The following SLC7A11 variants were observed in gnomAD, a reference collection of about 807,000 sequenced individuals.
SLC7A11 encodes cystine/glutamate transporter.
Under a neutral mutation model 54.5 loss-of-function variants are expected in SLC7A11, and 35 were observed. That is an observed-to-expected ratio of 0.64 (90% CI 0.49 to 0.85). SLC7A11 has a LOEUF of 0.85. Ranked by LOEUF, SLC7A11 falls within the 40% of genes least tolerant of loss-of-function variation. The pLI, the probability that SLC7A11 is intolerant of heterozygous loss-of-function variation, is 0.00. For missense variants in SLC7A11, 583 were observed against 618.1 expected (o/e 0.94, Z 0.60); for synonymous variants, 230 against 225.2 (o/e 1.02, Z -0.19).
chr4:138,174,643 G>C (rs554095041), intron 11 of SLC7A11: 2 of 152,258 alleles, frequency 1.3e-5, no homozygotes, highest in South Asian at 2.1e-4. Flanking sequence ...CTGCTTGCCG[G>C]GGAAAGCTGC....
At chr4:138,187,337 G>A (rs1424312315) in intron 6 of SLC7A11, among the ~76,000 whole-genome samples, 3 of 152,138 alleles carry the variant, frequency 2.0e-5, no homozygotes, top group Non-Finnish European at 4.4e-5. Context: ...GGGCTGCTAT[G>A]TGCCCAACAT....
chr4:138,177,702 G>A (rs2148409516), intron 11 of SLC7A11: 1 of 152,196 alleles, frequency 6.6e-6, no homozygotes. Flanking sequence ...ATCATGTAGG[G>A]GAGAGGACTC....
chr4:138,236,565 G>A (rs41280523), intron 1 of SLC7A11, 114 bp from the exon 2 acceptor site: 18,040 of 979,400 alleles, frequency 0.018, 304 homozygotes, highest in East Asian at 0.051. Context: ...GCCTCCTTTG[G>A]TCTGAATGGC....
chr4:138,200,531 C>T (rs1434034467), intron 6 of SLC7A11, among the ~76,000 whole-genome samples: 1 of 152,054 alleles, frequency 6.6e-6, no homozygotes, highest in Non-Finnish European at 1.5e-5. Flanking sequence ...GATTACATTT[C>T]CCCCAGCTAA....
At chr4:138,192,904 G>A (rs147900762) in intron 6 of SLC7A11, among the ~76,000 whole-genome samples, 33 of 152,184 alleles carry the variant, frequency 2.2e-4, no homozygotes, top group African/African-American at 6.3e-4. Flanking sequence ...TTTGCCCAAG[G>A]ACTCATAATA....
At chr4:138,226,384 T>C (rs1051391523) in intron 3 of SLC7A11, among the ~76,000 whole-genome samples, 3 of 152,172 alleles carry the variant, frequency 2.0e-5, no homozygotes, top group African/African-American at 7.2e-5. Flanking sequence ...TGGTTTATTG[T>C]ATGTCAATTA....
Position 138,201,118 on chromosome 4 carries a change from T to A in SLC7A11, c.791+13467A>T, listed in dbSNP as rs373217358. On this transcript the variant is annotated intron_variant, in intron 6 of 11. Coordinates refer to ENST00000280612, the MANE Select transcript of SLC7A11 (RefSeq NM_014331.4). ...AGAAATGACTTTGCTCATAAAATCATACATTCTATTCTTTAATATCTCATT... is the reference window on the plus strand; with the variant it reads ...AGAAATGACTTTGCTCATAAAATCAAACATTCTATTCTTTAATATCTCATT... Among the ~76,000 whole-genome samples, 10 of 152,248 alleles carry A rather than the reference T, an allele frequency of 6.6e-5. No individual in the cohort carries two copies. In the South Asian group the frequency reaches 1.2e-3, roughly 19 times the overall value.
intron 6 of SLC7A11, among the ~76,000 whole-genome samples, chr4:138,208,954 C>G (rs1357312197): frequency 6.6e-6 from 1 of 152,012 alleles, no homozygotes; most frequent in Non-Finnish European, 1.5e-5. Flanking sequence ...TTTTGCCCAC[C>G]TTTGTCTCTC....
At position 138,170,061 on chromosome 4, in the gene SLC7A11, A is replaced by T. The variant is rs1342784866; in HGVS notation, c.*1895T>A. Reference sequence around the variant, plus strand: ...TGCCTTTAATAATTTTAATTGGTATAATTCTTTCAAAAATCCTTATTTTCA... The same window carrying T: ...TGCCTTTAATAATTTTAATTGGTATTATTCTTTCAAAAATCCTTATTTTCA... On this transcript the variant is annotated 3_prime_UTR_variant, in exon 12 of 12. Coordinates refer to ENST00000280612, the MANE Select transcript of SLC7A11 (RefSeq NM_014331.4). 6.6e-5 allele frequency: 10 copies of T among 151,188 alleles called. No individual in the cohort carries two copies. The allele number at this position is 151,188 out of a possible 1,614,324, so 9.4% of individuals were successfully genotyped here. A position where few individuals can be genotyped will look rare whatever the true frequency, so the allele number is the denominator to read the frequency against.
intron 2 of SLC7A11, among the ~76,000 whole-genome samples, chr4:138,232,703 G>A (rs1175183459): frequency 1.3e-5 from 2 of 152,158 alleles, no homozygotes; most frequent in African/African-American, 4.8e-5. Flanking sequence ...AGGCTTACAG[G>A]AAGCCATCTT....
At chr4:138,228,866 C>G (rs182878125) in intron 3 of SLC7A11, among the ~76,000 whole-genome samples, 1 of 151,806 alleles carries the variant, frequency 6.6e-6, no homozygotes, top group Non-Finnish European at 1.5e-5. Context: ...AACTTCCACG[C>G]ACCTGACATG....
intron 6 of SLC7A11, among the ~76,000 whole-genome samples, chr4:138,209,044 TA>T (rs1331164258): frequency 6.6e-6 from 1 of 152,016 alleles, no homozygotes; most frequent in Non-Finnish European, 1.5e-5. Flanking sequence ...GGAGTAATGG[TA>T]GATAATTTGA....
At position 138,172,028 on chromosome 4, in the gene SLC7A11, A is replaced by G. The variant is rs1177717033; in HGVS notation, c.1445-11T>C. On this transcript the variant is annotated splice_polypyrimidine_tract_variant and intron_variant, in intron 11 of 11. Coordinates refer to ENST00000280612, the MANE Select transcript of SLC7A11 (RefSeq NM_014331.4). ...TTCTGGTTATTTTCTCTACAAAGAA[A>G]TAAAAATGAATTAAAAATGCATGGA... is the stretch of plus-strand genomic sequence containing the variant. 1 of 1,574,982 alleles carries G rather than the reference A, an allele frequency of 6.3e-7. No homozygotes were observed.
intron 6 of SLC7A11, among the ~76,000 whole-genome samples, chr4:138,188,307 C>T (rs1736925147): frequency 6.6e-6 from 1 of 152,194 alleles, no homozygotes; most frequent in Admixed American, 6.5e-5. Context: ...TAGTGATCCT[C>T]CTGCCTCGGC....
chr4:138,185,291 T>C, intron 6 of SLC7A11, 47 bp from the exon 7 acceptor site: 2 of 1,598,920 alleles, frequency 1.3e-6, no homozygotes, highest in South Asian at 2.2e-5. Context: ...TTGTTAGCCA[T>C]TCTCTGATAC....
chr4:138,217,289 A>G (rs1012012457), intron 5 of SLC7A11, among the ~76,000 whole-genome samples: 2 of 152,214 alleles, frequency 1.3e-5, no homozygotes, highest in African/African-American at 2.4e-5. Flanking sequence ...AAAGAAATCA[A>G]TGGTTTTTGG....
At position 138,170,250 on chromosome 4, in the gene SLC7A11, G is replaced by GTGTATA. The variant is rs1443314500; in HGVS notation, c.*1705_*1706insTATACA. The GTGTATA allele has an allele frequency of 4.1e-5, 3 of 74,074 alleles. No individual in the cohort carries two copies. Among genetic ancestry groups the GTGTATA allele is most frequent in the Non-Finnish European group, 7.6e-5 (3 of 39,662 alleles). 4.6% of individuals were successfully genotyped at this position (74,074 alleles called of 1,614,324 possible). On this transcript the variant is annotated 3_prime_UTR_variant, in exon 12 of 12. Coordinates refer to ENST00000280612, the MANE Select transcript of SLC7A11 (RefSeq NM_014331.4). ...ATATAAAAAGTGTGTGTGTGTGTGTGTATATATATATATATATATATACAC... is the reference window on the plus strand; with the variant it reads ...ATATAAAAAGTGTGTGTGTGTGTGTGTGTATATATATATATATATATATATATACAC...
intron 6 of SLC7A11, among the ~76,000 whole-genome samples, chr4:138,189,268 T>A (rs891392539): frequency 3.3e-5 from 5 of 152,186 alleles, no homozygotes; most frequent in Admixed American, 1.3e-4. Flanking sequence ...ATTTTATCTT[T>A]AAATATATGC....
intron 1 of SLC7A11, among the ~76,000 whole-genome samples, chr4:138,238,170 A>T (rs1355349562): frequency 6.6e-6 from 1 of 152,174 alleles, no homozygotes; most frequent in Non-Finnish European, 1.5e-5. Context: ...TTGGACAAAT[A>T]TGCAACTCCC....
Sources: gnomAD v4.1 joint callset for allele counts (sites outside exome capture counted in the v4.1 genomes callset) on GRCh38, gnomAD v4.1.1 for gene constraint, MANE v1.5 for transcripts, NCBI Gene and HGNC (gene_info 2026-07-23, HGNC 2026-07-21) for gene names.